IGFL2: variants seen among roughly 807,000 people sequenced by gnomAD.
IGFL2 encodes the protein insulin growth factor-like family member 2.
A neutral mutation model predicts 13.9 loss-of-function variants in IGFL2; 7 were observed. The observed-to-expected ratio is 0.51, with a 90% CI of 0.29 to 0.95. The LOEUF (loss-of-function observed/expected upper bound fraction) is 0.95. IGFL2 is among the 40% of genes least tolerant of loss of function. IGFL2 has a pLI of 0.08. For synonymous variants in IGFL2, 55 were observed against 55.8 expected (o/e 0.99, Z 0.07); for missense variants, 138 against 147.8 (o/e 0.93, Z 0.34).
the IGFL2 span, among the ~76,000 whole-genome samples, chr19:46,093,325 T>C: frequency 6.6e-6 from 1 of 152,252 alleles, no homozygotes; most frequent in South Asian, 2.1e-4. Flanking sequence ...GAAGTGTATA[T>C]GGGTTTCTGA....
the IGFL2 span, among the ~76,000 whole-genome samples, chr19:46,206,509 G>T: frequency 6.6e-6 from 1 of 152,198 alleles, no homozygotes. Flanking sequence ...GGAGCAACAT[G>T]CCCGGACAGG....
the IGFL2 span, among the ~76,000 whole-genome samples, chr19:46,084,035 A>G: frequency 3.3e-5 from 5 of 152,062 alleles, no homozygotes; most frequent in Admixed American, 6.6e-5. Context: ...TTCCCTTTTA[A>G]TTTCTTCACT....
At chr19:46,094,106 A>C in the IGFL2 span, among the ~76,000 whole-genome samples, 1 of 145,096 alleles carries the variant, frequency 6.9e-6, no homozygotes, top group Admixed American at 7.1e-5. Flanking sequence ...ATGTGTAAGG[A>C]AAGGCCAAAG....
At chr19:46,184,659 A>G in the IGFL2 span, among the ~76,000 whole-genome samples, 1 of 152,180 alleles carries the variant, frequency 6.6e-6, no homozygotes, top group Non-Finnish European at 1.5e-5. Context: ...TCCATCACTG[A>G]TGGGCATTTG....
chr19:46,170,007 C>G, the IGFL2 span, among the ~76,000 whole-genome samples: 2 of 151,882 alleles, frequency 1.3e-5, no homozygotes, highest in African/African-American at 4.8e-5. Flanking sequence ...ATTTTCTGCC[C>G]AAGTAGTAGA....
At chr19:46,088,730 T>C in the IGFL2 span, among the ~76,000 whole-genome samples, 1 of 152,188 alleles carries the variant, frequency 6.6e-6, no homozygotes, top group African/African-American at 2.4e-5. Flanking sequence ...GAAGAGGCGA[T>C]GAGAATACAA....
the IGFL2 span, among the ~76,000 whole-genome samples, chr19:46,093,636 C>T: frequency 6.6e-6 from 1 of 151,944 alleles, no homozygotes; most frequent in Admixed American, 6.6e-5. Flanking sequence ...GTAGAAAATC[C>T]CAAGGAGTCT....
chr19:46,151,727 A>G (rs1196057287), intron 1 of IGFL2, among the ~76,000 whole-genome samples: 1 of 152,168 alleles, frequency 6.6e-6, no homozygotes, highest in Non-Finnish European at 1.5e-5. Context: ...CCTGGGCCAT[A>G]TGGTGAGACC....
chr19:46,079,434 A>G, the IGFL2 span, among the ~76,000 whole-genome samples: 1 of 152,282 alleles, frequency 6.6e-6, no homozygotes, highest in East Asian at 1.9e-4. Flanking sequence ...CTGGTTTTGC[A>G]GCCTAAGCGG....
the IGFL2 span, among the ~76,000 whole-genome samples, chr19:46,174,518 C>G: frequency 6.6e-6 from 1 of 152,162 alleles, no homozygotes; most frequent in African/African-American, 2.4e-5. Context: ...GAAAGTTTCC[C>G]AATCATGGAA....
chr19:46,109,934 CA>C, the IGFL2 span, among the ~76,000 whole-genome samples: 1 of 152,202 alleles, frequency 6.6e-6, no homozygotes. Context: ...ATGCGGGTCA[CA>C]GGGGATATGA....
the IGFL2 span, among the ~76,000 whole-genome samples, chr19:46,194,504 C>T: frequency 6.6e-6 from 1 of 152,088 alleles, no homozygotes; most frequent in Admixed American, 6.6e-5. Flanking sequence ...TTTTCAATGG[C>T]TTCACCAGGG....
chr19:46,136,182 T>G, the IGFL2 span, among the ~76,000 whole-genome samples: 1 of 152,096 alleles, frequency 6.6e-6, no homozygotes, highest in African/African-American at 2.4e-5. Flanking sequence ...CAAATGTGTT[T>G]TCCAGGTTGC....
At chr19:46,193,947 T>G in the IGFL2 span, among the ~76,000 whole-genome samples, 1 of 152,164 alleles carries the variant, frequency 6.6e-6, no homozygotes, top group African/African-American at 2.4e-5. Context: ...TCAGAAAAGG[T>G]GCATGATGAG....
At chr19:46,105,749 G>T in the IGFL2 span, among the ~76,000 whole-genome samples, 8 of 152,198 alleles carry the variant, frequency 5.3e-5, no homozygotes, top group African/African-American at 1.9e-4. Context: ...GCCTCTAAAA[G>T]TATTAGAGCA....
At chr19:46,123,885 C>T in the IGFL2 span, 10 of 1,608,250 alleles carry the variant, frequency 6.2e-6, no homozygotes, top group Admixed American at 6.7e-5. Context: ...GGGACCTTTA[C>T]CTGGTACAGC....
chr19:46,197,178 C>T, the IGFL2 span: 1 of 225,216 alleles, frequency 4.4e-6, no homozygotes, highest in South Asian at 6.8e-5. Context: ...GAGTCTGCTT[C>T]GAGAAGTGCT....
At chr19:46,166,772 C>T in the IGFL2 span, among the ~76,000 whole-genome samples, 1 of 152,198 alleles carries the variant, frequency 6.6e-6, no homozygotes. Context: ...CGATATTTCT[C>T]CCATTTGCTT....
the IGFL2 span, among the ~76,000 whole-genome samples, chr19:46,172,510 T>C: frequency 1.3e-5 from 2 of 151,806 alleles, no homozygotes; most frequent in Non-Finnish European, 2.9e-5. Context: ...TCAGGTGGAG[T>C]TCTGTTACGT....
Sources: gnomAD v4.1 joint callset for allele counts (sites outside exome capture counted in the v4.1 genomes callset) on GRCh38, gnomAD v4.1.1 for gene constraint, MANE v1.5 for transcripts, NCBI Gene and HGNC (gene_info 2026-07-23, HGNC 2026-07-21) for gene names.